Variants in GPHN observed in about 807,000 individuals in gnomAD.
GPHN encodes the protein gephyrin.
GPHN carries 17 observed loss-of-function variants against 95.5 expected under a neutral mutation model. That is an observed-to-expected ratio of 0.18 (90% CI 0.12 to 0.27). GPHN has a LOEUF of 0.27. GPHN is among the 10% of genes least tolerant of loss of function. The pLI is 1.00. For synonymous variants in GPHN, 320 were observed against 322.5 expected (o/e 0.99, Z 0.08); for missense variants, 660 against 978.1 (o/e 0.67, Z 4.34).
At chr14:67,609,499 T>C in the GPHN span, among the ~76,000 whole-genome samples, 2 of 152,134 alleles carry the variant, frequency 1.3e-5, no homozygotes, top group African/African-American at 4.8e-5. Flanking sequence ...TCACTGGCCA[T>C]TGGTGGCCAA....
the GPHN span, chr14:67,360,454 C>T: frequency 2.6e-6 from 1 of 379,738 alleles, no homozygotes; most frequent in African/African-American, 2.1e-5. Flanking sequence ...ACACATACCT[C>T]AGGTGACTAA....
At chr14:66,818,290 G>C (rs2061057932) in intron 3 of GPHN, among the ~76,000 whole-genome samples, 1 of 152,020 alleles carries the variant, frequency 6.6e-6, no homozygotes, top group African/African-American at 2.4e-5. Flanking sequence ...ATGCCCCACT[G>C]TGTGTTGTTC....
chr14:66,618,032 A>G (rs980615574), intron 1 of GPHN, among the ~76,000 whole-genome samples: 1 of 152,086 alleles, frequency 6.6e-6, no homozygotes, highest in African/African-American at 2.4e-5. Context: ...AGAGTTTCTA[A>G]AAGCTTGGTT....
intron 8 of GPHN, among the ~76,000 whole-genome samples, chr14:66,941,061 G>A (rs2153572771): frequency 6.6e-6 from 1 of 151,982 alleles, no homozygotes; most frequent in East Asian, 2.0e-4. Flanking sequence ...TAATTGCTCA[G>A]AACTAGAATA....
At chr14:67,473,289 C>A in the GPHN span, 1 of 1,301,740 alleles carries the variant, frequency 7.7e-7, no homozygotes, top group East Asian at 2.3e-5. The surrounding 1 kb of genome is among the most constrained non-coding windows in gnomAD (Gnocchi z 6.5). Context: ...TTAGGGGGCT[C>A]TGTGTGCCCT....
chr14:67,559,395 A>G, the GPHN span, among the ~76,000 whole-genome samples: 6 of 152,074 alleles, frequency 3.9e-5, no homozygotes, highest in African/African-American at 7.2e-5. Context: ...TATTCAGCCA[A>G]CCCCTTCGTG....
the GPHN span, among the ~76,000 whole-genome samples, chr14:67,672,408 C>G: frequency 6.6e-6 from 1 of 151,404 alleles, no homozygotes; most frequent in African/African-American, 2.4e-5. Flanking sequence ...TGTGAGCCAC[C>G]ATGCCTGGCC....
chr14:66,775,610 C>A (rs1390111282), intron 2 of GPHN, among the ~76,000 whole-genome samples: 1 of 152,084 alleles, frequency 6.6e-6, no homozygotes, highest in African/African-American at 2.4e-5. Context: ...CATCTCAACT[C>A]ATTCATTTCC....
the GPHN span, among the ~76,000 whole-genome samples, chr14:67,535,530 C>T: frequency 1.2e-4 from 18 of 151,926 alleles, no homozygotes; most frequent in South Asian, 2.1e-3. Flanking sequence ...AACAGGCATG[C>T]GCCACCACAC....
In GPHN at chr14:67,165,146, T is replaced by C; in HGVS notation, c.1911-16T>C. On this transcript the variant is annotated splice_polypyrimidine_tract_variant and intron_variant, in intron 19 of 22. Transcript: ENST00000478722. ...TGCTTAGCAATCACTAACAAGTGAC[T>C]CTTTTTTTCTTCTAGCTTGCCAACA... is the stretch of plus-strand genomic sequence containing the variant. 1 of 1,586,596 alleles carries C rather than the reference T, an allele frequency of 6.3e-7. No homozygotes were observed. The highest frequency in any genetic ancestry group is 1.1e-5 in the South Asian group (1 of 90,516).
At chr14:67,208,084 C>T in the GPHN span, 1 of 1,417,766 alleles carries the variant, frequency 7.1e-7, no homozygotes, top group Non-Finnish European at 9.5e-7. Flanking sequence ...CTTACTACTC[C>T]TCACGGGTGC....
chr14:67,714,321 G>T, the GPHN span, among the ~76,000 whole-genome samples: 96 of 151,850 alleles, frequency 6.3e-4, no homozygotes, highest in African/African-American at 2.3e-3. Flanking sequence ...CATTTTTTTA[G>T]TAGAGCTGAG....
chr14:67,045,821 G>GTC (rs1382010410), intron 10 of GPHN, among the ~76,000 whole-genome samples: 4 of 151,052 alleles, frequency 2.6e-5, no homozygotes, highest in Non-Finnish European at 5.9e-5. Flanking sequence ...CTGTGTGTGT[G>GTC]TCTCTCTCTC....
chr14:67,476,181 A>G, the GPHN span, among the ~76,000 whole-genome samples: 1 of 152,262 alleles, frequency 6.6e-6, no homozygotes, highest in South Asian at 2.1e-4. Flanking sequence ...TGGGAATTCC[A>G]GCCTCACATT....
the GPHN span, among the ~76,000 whole-genome samples, chr14:67,252,378 C>T: frequency 6.6e-6 from 1 of 152,092 alleles, no homozygotes; most frequent in Non-Finnish European, 1.5e-5. Flanking sequence ...TGGTCTTAAA[C>T]TCCTGGTCTC....
chr14:66,988,179 T>C (rs1719741156), intron 9 of GPHN, among the ~76,000 whole-genome samples: 1 of 152,060 alleles, frequency 6.6e-6, no homozygotes, highest in Non-Finnish European at 1.5e-5. Context: ...AAAGATTAAA[T>C]TAGCAGGGTA....
chr14:67,662,511 TC>T, the GPHN span: 1 of 1,611,692 alleles, frequency 6.2e-7, no homozygotes, highest in East Asian at 2.2e-5. Flanking sequence ...TTCATCAAAA[TC>T]CCTGATCAAT....
At chr14:66,536,947 G>A (rs557520931) in intron 1 of GPHN, among the ~76,000 whole-genome samples, 2 of 152,078 alleles carry the variant, frequency 1.3e-5, no homozygotes, top group African/African-American at 2.4e-5. Flanking sequence ...TTAAAACTTG[G>A]CATTGTTATT....
the GPHN span, among the ~76,000 whole-genome samples, chr14:67,596,986 C>T: frequency 6.6e-6 from 1 of 152,198 alleles, no homozygotes; most frequent in Non-Finnish European, 1.5e-5. Context: ...CTTTGATGGT[C>T]TCTTTCTACT....
Sources: allele counts gnomAD v4.1 joint callset (sites outside exome capture counted in the v4.1 genomes callset), GRCh38; gene constraint gnomAD v4.1.1; non-coding constraint Gnocchi (gnomAD v3.1); transcripts MANE v1.5; gene names NCBI Gene and HGNC (gene_info 2026-07-23, HGNC 2026-07-21).